ANK2: variants seen among roughly 807,000 people sequenced by gnomAD.
ANK2 encodes the protein ankyrin-2.
In ANK2, 83 loss-of-function variants were observed where a neutral mutation model predicts 360.5. That is an observed-to-expected ratio of 0.23 (90% CI 0.19 to 0.28). ANK2 has a LOEUF of 0.28. Among genes scored for constraint, ANK2 ranks in the 10% least tolerant of loss-of-function variants. The pLI is 1.00. For synonymous variants in ANK2, 1,740 were observed against 1,759.5 expected, an observed-to-expected ratio of 0.99 and a Z score of 0.28; for missense variants, 4,201 against 4,795.7, an observed-to-expected ratio of 0.88 and a Z score of 3.66.
chr4:113,063,219 G>A lies in ANK2; in HGVS notation c.84+13407G>A, dbSNP rs143432393. ...AATGGAAAAAGTTACCACCAAATTTGTTATGTGTTTTAAATGATAGCATTT... is the reference window on the plus strand; with the variant it reads ...AATGGAAAAAGTTACCACCAAATTTATTATGTGTTTTAAATGATAGCATTT... On this transcript the variant is annotated intron_variant, in intron 1 of 45. Transcript: ENST00000357077. Among the ~76,000 whole-genome samples, 13 of 152,162 alleles carry A rather than the reference G, an allele frequency of 8.5e-5. No individual in the cohort carries two copies. In the East Asian group the frequency reaches 2.3e-3, roughly 27 times the overall value.
intron 2 of ANK2, among the ~76,000 whole-genome samples, chr4:112,942,258 C>A (rs547866880): frequency 6.6e-6 from 1 of 152,038 alleles, no homozygotes; most frequent in Admixed American, 6.6e-5. Context: ...GTTGTCTTTT[C>A]CAGTAAGCTG....
chr4:113,319,732 G>A (rs1417765781), intron 26 of ANK2, among the ~76,000 whole-genome samples: 1 of 152,008 alleles, frequency 6.6e-6, no homozygotes, highest in Non-Finnish European at 1.5e-5. Flanking sequence ...TAATGCGACA[G>A]TTATTCATGA....
intron 1 of ANK2, among the ~76,000 whole-genome samples, chr4:112,828,533 G>A (rs539711814): frequency 2.0e-5 from 3 of 152,078 alleles, no homozygotes; most frequent in Admixed American, 1.3e-4. Context: ...GCGCCCAGCT[G>A]AATTAAGGAC....
At chr4:113,193,591 C>A (rs1427358793) in intron 2 of ANK2, among the ~76,000 whole-genome samples, 2 of 152,106 alleles carry the variant, frequency 1.3e-5, no homozygotes, top group Non-Finnish European at 2.9e-5. Context: ...TTGCCAATGT[C>A]ATTTATATTA....
chr4:113,240,452 G>T (rs113388306), intron 7 of ANK2, 33 bp from the exon 8 acceptor site: 8 of 1,518,314 alleles, frequency 5.3e-6, no homozygotes, highest in Admixed American at 1.7e-5. Flanking sequence ...AAAGTGAAGC[G>T]CTATACTGAC....
chr4:112,802,204 A>C, the ANK2 span, among the ~76,000 whole-genome samples: 1 of 152,154 alleles, frequency 6.6e-6, no homozygotes, highest in East Asian at 1.9e-4. Flanking sequence ...GGAGGCTTGC[A>C]GGGTGGAAAG....
intron 1 of ANK2, among the ~76,000 whole-genome samples, chr4:113,089,926 C>T (rs1439634583): frequency 1.3e-5 from 2 of 152,162 alleles, no homozygotes; most frequent in Non-Finnish European, 2.9e-5. Context: ...TACAGAAGCA[C>T]TAATGGTTTT....
intron 2 of ANK2, among the ~76,000 whole-genome samples, chr4:112,958,409 C>T (rs1273940286): frequency 6.6e-6 from 1 of 152,208 alleles, no homozygotes; most frequent in Non-Finnish European, 1.5e-5. Context: ...CCGGCCAACA[C>T]AGCGAAACCC....
chr4:113,018,591 G>A (rs2057267083), intron 2 of ANK2, among the ~76,000 whole-genome samples: 1 of 152,156 alleles, frequency 6.6e-6, no homozygotes, highest in African/African-American at 2.4e-5. Context: ...GGTGTAGCCA[G>A]GATCAACCAA....
intron 1 of ANK2, among the ~76,000 whole-genome samples, chr4:112,841,777 C>G (rs1019443783): frequency 6.6e-6 from 1 of 152,278 alleles, no homozygotes; most frequent in East Asian, 1.9e-4. Context: ...TAGCTGTGTC[C>G]GCACTTGTAG....
In ANK2 at chr4:112,850,504, C is replaced by CTTTTTTTTTTTTTTTTTTTTTTTTTTTT. The variant is rs60510554; in HGVS notation, c.-40+32243_-40+32270dup. Reference sequence around the variant, plus strand: ...TTTTTTTAACATTTCCTGTGCTAGTCTTTTTTTTTTTTTTTTTTTTTTTTT... The same window carrying CTTTTTTTTTTTTTTTTTTTTTTTTTTTT: ...TTTTTTTAACATTTCCTGTGCTAGTCTTTTTTTTTTTTTTTTTTTTTTTTTTTTTTTTTTTTTTTTTTTTTTTTTTTTT... On this transcript the variant is annotated intron_variant, in intron 1 of 30. Coordinates refer to the ANK2 transcript ENST00000503271. Among the ~76,000 whole-genome samples, 8 of 5,820 alleles carry CTTTTTTTTTTTTTTTTTTTTTTTTTTTT rather than the reference C, an allele frequency of 1.4e-3. 3 individuals are homozygous for CTTTTTTTTTTTTTTTTTTTTTTTTTTTT. Among genetic ancestry groups the CTTTTTTTTTTTTTTTTTTTTTTTTTTTT allele is most frequent in the African/African-American group, 2.1e-3 (3 of 1,406 alleles). 3.8% of individuals were successfully genotyped at this position (5,820 alleles called of 152,430 possible). A position where few individuals can be genotyped will look rare whatever the true frequency, so the allele number is the denominator to read the frequency against.
the ANK2 span, among the ~76,000 whole-genome samples, chr4:112,740,175 G>A: frequency 6.6e-6 from 1 of 151,974 alleles, no homozygotes; most frequent in Non-Finnish European, 1.5e-5. Context: ...AAAAGCAGAG[G>A]AAAATGACCA....
At chr4:113,196,289 GT>G (rs1450464920) in intron 2 of ANK2, 78 bp from the exon 3 acceptor site, 4 of 1,072,998 alleles carry the variant, frequency 3.7e-6, no homozygotes, top group Non-Finnish European at 5.7e-6. Context: ...TGTTCTCTGG[GT>G]TATATGCTTG....
intron 9 of ANK2, among the ~76,000 whole-genome samples, chr4:113,247,538 A>G (rs1233892475): frequency 2.6e-5 from 4 of 152,228 alleles, no homozygotes; most frequent in Non-Finnish European, 5.9e-5. Flanking sequence ...ATGTTTCAAC[A>G]TGATTACACA....
At position 113,355,463 on chromosome 4, in the gene ANK2, C is replaced by T; in HGVS notation, c.6845C>T (p.Thr2282Ile). 6.2e-7 allele frequency: 1 copy of T among 1,613,970 alleles called. No individual in the cohort carries two copies. The highest frequency in any genetic ancestry group is 8.5e-7 in the Non-Finnish European group (1 of 1,179,976). Residue 2282 changes from threonine (T) to isoleucine (I), a missense_variant, in exon 38 of 46, where the codon ACC (threonine) becomes ATC (isoleucine). Thr to Ile is a moderately conservative substitution (Grantham distance 89, BLOSUM62 -1). This residue lies in a region of ANK2 where 2,642 missense variants were observed against 2,714.5 expected (regional missense o/e 0.97). Coordinates refer to ENST00000357077, the MANE Select transcript of ANK2 (RefSeq NM_001148.6). ...EIRSEKEHPT[T>I]KDITGGSEER... ...CGTTCAGAAAAAGAGCATCCCACGA[C>T]CAAAGACATTACTGGTGGCTCTGAA... is the stretch of plus-strand genomic sequence containing the variant.
At chr4:113,367,456 G>A in intron 41 of ANK2, 110 bp from the exon 42 acceptor site, 3 of 1,015,032 alleles carry the variant, frequency 3.0e-6, no homozygotes, top group Non-Finnish European at 4.5e-6. Flanking sequence ...ATCTCAGGAT[G>A]TAGCACATTT....
intron 1 of ANK2, among the ~76,000 whole-genome samples, chr4:113,088,715 C>T (rs2086166362): frequency 6.6e-6 from 1 of 151,930 alleles, no homozygotes; most frequent in African/African-American, 2.4e-5. Context: ...GTAGATGGGC[C>T]TTTATATATG....
intron 1 of ANK2, among the ~76,000 whole-genome samples, chr4:112,901,833 CCAGCCTGGGCGACA>C (rs2083490387): frequency 6.6e-6 from 1 of 151,042 alleles, no homozygotes; most frequent in Non-Finnish European, 1.5e-5. Context: ...CCACTGCACT[CCAGCCTGGGCGACA>C]GAGTGAGACT....
At chr4:113,330,165 T>G in intron 26 of ANK2, 81 bp from the exon 27 acceptor site, 1 of 1,337,186 alleles carries the variant, frequency 7.5e-7, no homozygotes, top group Non-Finnish European at 1.0e-6. Flanking sequence ...AGACAAAGCA[T>G]TACGAAAAAC....
Sources: allele counts gnomAD v4.1 joint callset (sites outside exome capture counted in the v4.1 genomes callset), GRCh38; gene constraint gnomAD v4.1.1; regional missense constraint gnomAD v4.1.1; transcripts MANE v1.5; gene names NCBI Gene and HGNC (gene_info 2026-07-23, HGNC 2026-07-21).